Variants in GNA14 observed in about 807,000 individuals in gnomAD.
The protein encoded by GNA14 is guanine nucleotide-binding protein subunit alpha-14.
Under a neutral mutation model 42.0 loss-of-function variants are expected in GNA14, and 50 were observed. The observed-to-expected ratio is 1.19, with a 90% CI of 0.95 to 1.51. The LOEUF is 1.51. Ranked by LOEUF, GNA14 falls within the 40% of genes most tolerant of loss-of-function variation. GNA14 has a pLI of 0.00. For missense variants in GNA14, 473 were observed against 446.2 expected, an observed-to-expected ratio of 1.06 and a Z score of -0.54; for synonymous variants, 173 against 163.1, an observed-to-expected ratio of 1.06 and a Z score of -0.46.
At chr9:77,511,648 A>G (rs1405268067) in intron 2 of GNA14, among the ~76,000 whole-genome samples, 1 of 152,076 alleles carries the variant, frequency 6.6e-6, no homozygotes, top group Non-Finnish European at 1.5e-5. Context: ...GTGGGCACAG[A>G]CCACACGCCC....
intron 1 of GNA14, among the ~76,000 whole-genome samples, chr9:77,631,467 T>TAAAA: frequency 8.1e-6 from 1 of 123,404 alleles, no homozygotes; most frequent in Non-Finnish European, 1.7e-5. Context: ...ACTTTTTATG[T>TAAAA]AAAAAAAAAA....
At chr9:77,578,395 A>G (rs1277053077) in intron 1 of GNA14, among the ~76,000 whole-genome samples, 1 of 151,748 alleles carries the variant, frequency 6.6e-6, no homozygotes, top group Non-Finnish European at 1.5e-5. Flanking sequence ...ACTCTAGAAA[A>G]CTCTATTATA....
chr9:77,545,915 G>A (rs754354658), intron 1 of GNA14, among the ~76,000 whole-genome samples: 12 of 152,118 alleles, frequency 7.9e-5, no homozygotes, highest in Non-Finnish European at 1.2e-4. Context: ...AACACCAGCT[G>A]TAAGAGTAAA....
intron 2 of GNA14, among the ~76,000 whole-genome samples, chr9:77,528,014 G>A (rs907738037): frequency 2.6e-5 from 4 of 152,184 alleles, no homozygotes; most frequent in Non-Finnish European, 5.9e-5. Context: ...CTTCAGGACT[G>A]CAAGGAAATG....
chr9:77,480,424 T>G (rs1836522917), intron 2 of GNA14, among the ~76,000 whole-genome samples: 1 of 152,208 alleles, frequency 6.6e-6, no homozygotes, highest in Non-Finnish European at 1.5e-5. Flanking sequence ...GTGGATAAGC[T>G]TTTTGATGTG....
chr9:77,599,092 G>C (rs1215382287), intron 1 of GNA14, among the ~76,000 whole-genome samples: 1 of 152,158 alleles, frequency 6.6e-6, no homozygotes, highest in East Asian at 1.9e-4. Flanking sequence ...CATTCAGAGA[G>C]GGAAATAACT....
At chr9:77,571,609 T>C (rs1823060351) in intron 1 of GNA14, among the ~76,000 whole-genome samples, 2 of 152,114 alleles carry the variant, frequency 1.3e-5, no homozygotes, top group African/African-American at 4.8e-5. Context: ...AAGACCAGCC[T>C]GACCAACATG....
chr9:77,646,053 C>T (rs1467033262), intron 1 of GNA14, among the ~76,000 whole-genome samples: 3 of 152,176 alleles, frequency 2.0e-5, no homozygotes, highest in Non-Finnish European at 4.4e-5. Flanking sequence ...AGGCCAGGGA[C>T]AATTTAGAAT....
intron 1 of GNA14, chr9:77,635,086 G>A (rs970261226): frequency 2.0e-5 from 3 of 152,154 alleles, no homozygotes; most frequent in African/African-American, 7.2e-5. Flanking sequence ...AAGTTCTGAA[G>A]TGGTGATTTC....
At chr9:77,477,243 A>T (rs1368457533) in intron 2 of GNA14, among the ~76,000 whole-genome samples, 1 of 152,144 alleles carries the variant, frequency 6.6e-6, no homozygotes, top group Non-Finnish European at 1.5e-5. Flanking sequence ...AGTACTCAGG[A>T]GGCTGTGGTG....
intron 2 of GNA14, among the ~76,000 whole-genome samples, chr9:77,446,459 C>T (rs1049431656): frequency 2.0e-5 from 3 of 152,218 alleles, no homozygotes; most frequent in Middle Eastern, 3.2e-3. Flanking sequence ...GCGAGTCATG[C>T]TGTGTCTCTC....
chr9:77,536,799 T>A (rs990404668), intron 1 of GNA14, among the ~76,000 whole-genome samples: 1 of 152,236 alleles, frequency 6.6e-6, no homozygotes, highest in Non-Finnish European at 1.5e-5. Context: ...TTTGTGAGAG[T>A]ACCTCTTATA....
At chr9:77,593,168 C>G (rs1319442047) in intron 1 of GNA14, among the ~76,000 whole-genome samples, 4 of 152,182 alleles carry the variant, frequency 2.6e-5, no homozygotes, top group Non-Finnish European at 4.4e-5. Flanking sequence ...TGTGTTATAA[C>G]TCTACACTTG....
rs145357751 is a variant in GNA14 at position 77,443,504 on chromosome 9, T to A, written c.310-8982A>T. Among the ~76,000 whole-genome samples, 372 of 152,344 alleles carry A rather than the reference T, an allele frequency of 2.4e-3. 2 individuals are homozygous for A. Among genetic ancestry groups the A allele is most frequent in the South Asian group, 0.012 (57 of 4,830 alleles). The stretch of plus-strand genomic sequence containing the variant: ...ACTTCAATCTCCCACACACTCAGAA[T>A]AGAAGGAAGCTTTTTAAACCCAATT... On this transcript the variant is annotated intron_variant, in intron 2 of 6. Coordinates refer to ENST00000341700, the MANE Select transcript of GNA14 (RefSeq NM_004297.4).
chr9:77,648,231 G>A lies in GNA14; in HGVS notation c.-438C>T, dbSNP rs1824393765. On this transcript the variant is annotated 5_prime_UTR_variant, in exon 1 of 7. Coordinates refer to ENST00000341700, the MANE Select transcript of GNA14 (RefSeq NM_004297.4). ...AGGGGTGTCCCCAGGCGGGAGGTAG[G>A]CGCGGAGTGGGTTGGAGGCAAAGGA... 4.7e-6 allele frequency: 1 copy of A among 213,978 alleles called. No individual in the cohort carries two copies. Among genetic ancestry groups the A allele is most frequent in the African/African-American group, 2.4e-5 (1 of 41,996 alleles). 13.3% of individuals were successfully genotyped at this position (213,978 alleles called of 1,614,324 possible).
intron 2 of GNA14, among the ~76,000 whole-genome samples, chr9:77,479,082 C>T (rs1836492392): frequency 1.3e-5 from 2 of 152,138 alleles, no homozygotes; most frequent in Non-Finnish European, 2.9e-5. Context: ...GTGTTTTAGA[C>T]ATGAAGTCCT....
intron 1 of GNA14, among the ~76,000 whole-genome samples, chr9:77,572,464 G>T (rs900184886): frequency 6.6e-6 from 1 of 151,928 alleles, no homozygotes; most frequent in Non-Finnish European, 1.5e-5. Context: ...TAGTTTTATA[G>T]AATACATAAA....
chr9:77,615,372 CCTT>C (rs1823794353), intron 1 of GNA14, among the ~76,000 whole-genome samples: 1 of 152,044 alleles, frequency 6.6e-6, no homozygotes, highest in South Asian at 2.1e-4. Context: ...ATCTGAAACA[CCTT>C]CTTTCTTCTG....
chr9:77,633,383 G>A (rs1384086146), intron 1 of GNA14, among the ~76,000 whole-genome samples: 1 of 152,142 alleles, frequency 6.6e-6, no homozygotes, highest in Non-Finnish European at 1.5e-5. Flanking sequence ...GCCCGTTGAA[G>A]ATTCTAAAAT....
Sources: allele counts gnomAD v4.1 joint callset (sites outside exome capture counted in the v4.1 genomes callset), GRCh38; gene constraint gnomAD v4.1.1; transcripts MANE v1.5; gene names NCBI Gene and HGNC (gene_info 2026-07-23, HGNC 2026-07-21).